STAG1: variants seen among roughly 807,000 people sequenced by gnomAD.
STAG1 encodes STAG1 cohesin complex component.
STAG1 carries 26 observed loss-of-function variants against 170.9 expected under a neutral mutation model. That is an observed-to-expected ratio of 0.15 (90% CI 0.11 to 0.21). The LOEUF (loss-of-function observed/expected upper bound fraction) is 0.21. Ranked by LOEUF, STAG1 falls within the 10% of genes least tolerant of loss-of-function variation. The pLI is 1.00. For missense variants in STAG1, 964 were observed against 1,509.5 expected, an observed-to-expected ratio of 0.64 and a Z score of 5.99; for synonymous variants, 514 against 497.7, an observed-to-expected ratio of 1.03 and a Z score of -0.44.
intron 1 of STAG1, among the ~76,000 whole-genome samples, chr3:136,738,486 A>T (rs555475861): frequency 5.3e-5 from 8 of 152,212 alleles, no homozygotes; most frequent in Non-Finnish European, 1.2e-4. Flanking sequence ...GCAAGACTCC[A>T]TATCAAAAAT....
At chr3:136,713,210 A>G (rs1943431718) in intron 1 of STAG1, among the ~76,000 whole-genome samples, 1 of 152,208 alleles carries the variant, frequency 6.6e-6, no homozygotes, top group African/African-American at 2.4e-5. Flanking sequence ...ACAAGTATAT[A>G]GTTCCTAAAA....
intron 13 of STAG1, among the ~76,000 whole-genome samples, chr3:136,463,904 C>T (rs1253259800): frequency 2.7e-5 from 4 of 146,534 alleles, no homozygotes; most frequent in Non-Finnish European, 4.5e-5. Flanking sequence ...TACATATATA[C>T]TTACATATAA....
At position 136,751,351 on chromosome 3, in the gene STAG1, A is replaced by G. The variant is rs550788599; in HGVS notation, c.-84+844T>C. ...AAATTTCTTAGTACCCATACCATAC[A>G]AGAAGAACCCAGTTCGGACCCTGCA... is the stretch of plus-strand genomic sequence containing the variant. On this transcript the variant is annotated intron_variant, in intron 1 of 33. Transcript: ENST00000383202. 1.5e-3 allele frequency among the ~76,000 whole-genome samples: 225 copies of G among 152,248 alleles called. No individual in the cohort carries two copies. In the South Asian group the frequency reaches 0.022, roughly 15 times the overall value.
intron 7 of STAG1, among the ~76,000 whole-genome samples, chr3:136,505,359 G>A (rs998025058): frequency 1.3e-5 from 2 of 152,136 alleles, no homozygotes; most frequent in African/African-American, 4.8e-5. Flanking sequence ...TGATAGTGTC[G>A]TCTGCAAATG....
intron 16 of STAG1, among the ~76,000 whole-genome samples, chr3:136,424,113 C>T (rs1462169780): frequency 6.6e-6 from 1 of 151,830 alleles, no homozygotes; most frequent in Admixed American, 6.6e-5. Context: ...TCCACCACGC[C>T]CGGCCTTGTT....
At chr3:136,578,318 G>A (rs1937520740) in intron 4 of STAG1, among the ~76,000 whole-genome samples, 1 of 152,164 alleles carries the variant, frequency 6.6e-6, no homozygotes, top group Non-Finnish European at 1.5e-5. Flanking sequence ...CAACGTCTTG[G>A]CCTGCAGAGA....
intron 1 of STAG1, among the ~76,000 whole-genome samples, chr3:136,644,246 G>C (rs150529126): frequency 2.0e-5 from 3 of 152,142 alleles, no homozygotes; most frequent in Non-Finnish European, 4.4e-5. Flanking sequence ...GATGGTTCAA[G>C]AACTGGAGTA....
chr3:136,352,753 T>C (rs1052021417), intron 28 of STAG1, among the ~76,000 whole-genome samples: 2 of 152,216 alleles, frequency 1.3e-5, no homozygotes, highest in African/African-American at 4.8e-5. Context: ...CATTATAAAA[T>C]AGGCTTTGTG....
At chr3:136,642,163 A>G (rs1289130838) in intron 1 of STAG1, among the ~76,000 whole-genome samples, 1 of 151,894 alleles carries the variant, frequency 6.6e-6, no homozygotes, top group African/African-American at 2.4e-5. Flanking sequence ...ATCAAAAATT[A>G]TAACTACTCA....
At chr3:136,362,234 C>G (rs1936897544) in intron 26 of STAG1, among the ~76,000 whole-genome samples, 1 of 151,578 alleles carries the variant, frequency 6.6e-6, no homozygotes, top group African/African-American at 2.4e-5. Context: ...GCTGGGATTA[C>G]AGGTGTGAGC....
intron 10 of STAG1, among the ~76,000 whole-genome samples, chr3:136,474,331 G>A (rs987883876): frequency 6.6e-6 from 1 of 152,084 alleles, no homozygotes; most frequent in South Asian, 2.1e-4. Flanking sequence ...ACCAAGTTCT[G>A]GAATCAGATA....
Position 136,498,233 on chromosome 3 carries a change from T to TATATATATATATACAC in STAG1, c.902+1989_902+1990insGTGTATATATATATAT. Among the ~76,000 whole-genome samples, 20 of 57,478 alleles carry TATATATATATATACAC rather than the reference T, an allele frequency of 3.5e-4. 1 individual carries two copies. Among genetic ancestry groups the TATATATATATATACAC allele is most frequent in the East Asian group, 4.3e-3 (2 of 460 alleles). The allele number at this position is 57,478 out of a possible 152,430, so 37.7% of individuals were successfully genotyped here. On this transcript the variant is annotated intron_variant, in intron 9 of 33. Transcript: ENST00000383202. ...AATTATATATATATATATATATATATACACATACATATACATACACACACA... is the reference window on the plus strand; with the variant it reads ...AATTATATATATATATATATATATATATATATATATATACACACACATACATATACATACACACACA...
At chr3:136,674,168 AGGGAAGGAG>A (rs1942063066) in intron 1 of STAG1, among the ~76,000 whole-genome samples, 1 of 12,070 alleles carries the variant, frequency 8.3e-5, no homozygotes, top group African/African-American at 5.4e-4. Flanking sequence ...GGAGGGAGGG[AGGGAAGGAG>A]GGAGGGAGGG....
chr3:136,468,191 C>T (rs1205913970), intron 12 of STAG1, among the ~76,000 whole-genome samples: 2 of 152,054 alleles, frequency 1.3e-5, no homozygotes, highest in Non-Finnish European at 2.9e-5. Flanking sequence ...ACACAAAAAA[C>T]TCTTCAAAAA....
intron 1 of STAG1, among the ~76,000 whole-genome samples, chr3:136,744,360 G>A (rs1934828908): frequency 6.6e-6 from 1 of 152,090 alleles, no homozygotes; most frequent in Non-Finnish European, 1.5e-5. Context: ...CATTCATCAG[G>A]AATATAAAGA....
At chr3:136,361,901 T>G (rs760715445) in intron 26 of STAG1, among the ~76,000 whole-genome samples, 1 of 152,048 alleles carries the variant, frequency 6.6e-6, no homozygotes, top group Non-Finnish European at 1.5e-5. Context: ...TGTGAGCCAC[T>G]GTGCTTGGCT....
At chr3:136,403,272 AAAG>A (rs2087389513) in intron 21 of STAG1, among the ~76,000 whole-genome samples, 1 of 150,674 alleles carries the variant, frequency 6.6e-6, no homozygotes, top group African/African-American at 2.4e-5. Flanking sequence ...AAGAAAAAAA[AAAG>A]AAAAAGGAAA....
At chr3:136,410,251 T>C (rs983202151) in intron 21 of STAG1, among the ~76,000 whole-genome samples, 3 of 151,710 alleles carry the variant, frequency 2.0e-5, no homozygotes, top group African/African-American at 7.3e-5. Flanking sequence ...AATACAAAAA[T>C]TATCTCGGTG....
At chr3:136,591,208 G>C (rs1938147999) in intron 4 of STAG1, among the ~76,000 whole-genome samples, 1 of 110,628 alleles carries the variant, frequency 9.0e-6, no homozygotes, top group Non-Finnish European at 1.8e-5. Flanking sequence ...TGTGGACAGA[G>C]TCTTTTTTCA....
Sources: gnomAD v4.1 joint callset for allele counts (sites outside exome capture counted in the v4.1 genomes callset) on GRCh38, gnomAD v4.1.1 for gene constraint, MANE v1.5 for transcripts, NCBI Gene and HGNC (gene_info 2026-07-23, HGNC 2026-07-21) for gene names.